Variants in NRP1 observed in about 807,000 individuals in gnomAD.
The protein encoded by NRP1 is neuropilin-1.
In NRP1, 35 loss-of-function variants were observed where a neutral mutation model predicts 106.7. The observed-to-expected ratio is 0.33, with a 90% CI of 0.25 to 0.43. The LOEUF is 0.43. NRP1 is among the 20% of genes least tolerant of loss of function. NRP1 has a pLI of 1.00. For missense variants in NRP1, 1,024 were observed against 1,170.4 expected (o/e 0.87, Z 1.83); for synonymous variants, 437 against 417.9 (o/e 1.05, Z -0.56).
chr10:33,331,113 TC>T (rs890753877), intron 1 of NRP1, among the ~76,000 whole-genome samples: 8 of 151,982 alleles, frequency 5.3e-5, no homozygotes, highest in Admixed American at 3.3e-4. Flanking sequence ...AGAGGACTCT[TC>T]CCCCCAGCCC....
At chr10:33,205,221 T>C (rs1203931980) in intron 10 of NRP1, among the ~76,000 whole-genome samples, 1 of 152,228 alleles carries the variant, frequency 6.6e-6, no homozygotes, top group Non-Finnish European at 1.5e-5. Flanking sequence ...TTTTCACCAA[T>C]CATATCAAAA....
chr10:33,181,676 C>T lies in NRP1; in HGVS notation c.2482+1022G>A, dbSNP rs561020956. 3.9e-5 allele frequency among the ~76,000 whole-genome samples: 6 copies of T among 152,358 alleles called. No individual in the cohort carries two copies. The South Asian group carries it at 8.3e-4, about 21-fold the overall frequency. ...CACAAAGCAGCGTTCAGCAAAAACACACATTTATAGTTCATCAGGCTAAAG... is the reference window on the plus strand; with the variant it reads ...CACAAAGCAGCGTTCAGCAAAAACATACATTTATAGTTCATCAGGCTAAAG... On this transcript the variant is annotated intron_variant, in intron 16 of 16. Coordinates refer to ENST00000374867, the MANE Select transcript of NRP1 (RefSeq NM_003873.7).
At chr10:33,219,409 C>T (rs1839045901) in intron 8 of NRP1, among the ~76,000 whole-genome samples, 1 of 152,166 alleles carries the variant, frequency 6.6e-6, no homozygotes, top group Admixed American at 6.5e-5. Flanking sequence ...CAAAAACCTG[C>T]TTCTGGCAAT....
chr10:33,264,020 ATATTAGTAAAATGGG>A, intron 3 of NRP1, 147 bp from the exon 4 acceptor site: 1 of 602,406 alleles, frequency 1.7e-6, no homozygotes, highest in South Asian at 2.1e-5. Flanking sequence ...CAGCCTTTTC[ATATTAGTAAAATGGG>A]TATGGAAAGT....
chr10:33,254,661 T>G (rs1024248249), intron 5 of NRP1, among the ~76,000 whole-genome samples: 1 of 152,218 alleles, frequency 6.6e-6, no homozygotes, highest in African/African-American at 2.4e-5. Flanking sequence ...CTTAACTCCC[T>G]GTCTTTCAGA....
chr10:33,264,251 T>G (rs1367972899), intron 3 of NRP1, among the ~76,000 whole-genome samples: 1 of 152,214 alleles, frequency 6.6e-6, no homozygotes, highest in African/African-American at 2.4e-5. Flanking sequence ...TGACAGCCCT[T>G]TATTGGTGAA....
At chr10:33,248,907 C>T (rs1841625407) in intron 6 of NRP1, among the ~76,000 whole-genome samples, 1 of 152,112 alleles carries the variant, frequency 6.6e-6, no homozygotes, top group Admixed American at 6.5e-5. Context: ...TACTCTAGTA[C>T]CACAATTTTT....
intron 13 of NRP1, among the ~76,000 whole-genome samples, chr10:33,190,798 G>C (rs1353268264): frequency 6.6e-6 from 1 of 152,134 alleles, no homozygotes; most frequent in African/African-American, 2.4e-5. Context: ...GTGTATGTGT[G>C]TGTGTGTGCA....
intron 8 of NRP1, among the ~76,000 whole-genome samples, chr10:33,219,762 G>T (rs567709497): frequency 1.3e-5 from 2 of 152,282 alleles, no homozygotes; most frequent in East Asian, 3.9e-4. Flanking sequence ...TAAGAGCCTG[G>T]AAATTCAGAA....
intron 4 of NRP1, among the ~76,000 whole-genome samples, chr10:33,258,939 T>C (rs1356134725): frequency 6.6e-6 from 1 of 152,200 alleles, no homozygotes; most frequent in Non-Finnish European, 1.5e-5. Context: ...TTAAATTACA[T>C]TAGTGTGGCT....
intron 3 of NRP1, among the ~76,000 whole-genome samples, chr10:33,264,607 G>T (rs896956442): frequency 6.6e-6 from 1 of 152,218 alleles, no homozygotes; most frequent in African/African-American, 2.4e-5. Flanking sequence ...AGATGTGTGT[G>T]TGTGTGTAAT....
intron 8 of NRP1, among the ~76,000 whole-genome samples, chr10:33,214,355 TC>T (rs1838580019): frequency 6.6e-6 from 1 of 152,178 alleles, no homozygotes; most frequent in Non-Finnish European, 1.5e-5. Flanking sequence ...GACAGTCCTT[TC>T]CCCTGGATAC....
At chr10:33,199,352 A>C (rs1474663274) in intron 11 of NRP1, among the ~76,000 whole-genome samples, 1 of 100,508 alleles carries the variant, frequency 9.9e-6, no homozygotes, top group East Asian at 5.0e-4. Context: ...GTGCGCCACC[A>C]TGCCTGGCTG....
chr10:33,322,865 G>A (rs1473736368), intron 2 of NRP1, among the ~76,000 whole-genome samples: 2 of 152,146 alleles, frequency 1.3e-5, no homozygotes. Flanking sequence ...AAATAAGCTG[G>A]TAACGTTTCA....
intron 2 of NRP1, among the ~76,000 whole-genome samples, chr10:33,310,694 G>T (rs1279796516): frequency 6.6e-6 from 1 of 152,072 alleles, no homozygotes; most frequent in East Asian, 1.9e-4. Flanking sequence ...CCTTCAGGAC[G>T]TACCTTTCTT....
rs187837511 is a variant in NRP1, at chr10:33,273,597, G to A, written c.249-2741C>T. 4.2e-3 allele frequency among the ~76,000 whole-genome samples: 644 copies of A among 151,980 alleles called. 3 individuals are homozygous for A. Among genetic ancestry groups the A allele is most frequent in the Non-Finnish European group, 6.2e-3 (421 of 67,810 alleles). ...TTACTGTTGCCAGTGTGGCAAACAC[G>A]GCATTGCTCGGGATGTCGAGATCCC... is the stretch of plus-strand genomic sequence containing the variant. On this transcript the variant is annotated intron_variant, in intron 2 of 16. Coordinates refer to ENST00000374867, the MANE Select transcript of NRP1 (RefSeq NM_003873.7).
At chr10:33,246,868 G>C (rs1888690) in intron 6 of NRP1, among the ~76,000 whole-genome samples, 26,816 of 152,128 alleles carry the variant, frequency 0.18, 2,790 homozygotes, top group East Asian at 0.51. Flanking sequence ...CTGGTCCTAT[G>C]TATGCTCTGG....
At chr10:33,299,425 C>A (rs916265814) in intron 2 of NRP1, among the ~76,000 whole-genome samples, 1 of 152,146 alleles carries the variant, frequency 6.6e-6, no homozygotes, top group African/African-American at 2.4e-5. Flanking sequence ...TGACAACCAT[C>A]CCAGGATTTC....
rs753801764 is a variant in NRP1 at position 33,185,652 on chromosome 10, G to A, written c.2407C>T (p.His803Tyr). ...CTTGCACAATCTTCTTGTGAAATGTGGTTATTAATACTAATGTCATCCACA... is the reference window on the plus strand; with the variant it reads ...CTTGCACAATCTTCTTGTGAAATGTAGTTATTAATACTAATGTCATCCACA... ...IAVDDISINNHISQEDCAKPA... is the reference protein window; with the variant it reads ...IAVDDISINNYISQEDCAKPA... Residue 803 changes from histidine (H) to tyrosine (Y), a missense_variant, in exon 15 of 17, where the codon CAC (histidine) becomes TAC (tyrosine). Transcript: ENST00000374867. 2.5e-6 allele frequency: 4 copies of A among 1,613,746 alleles called. No individual in the cohort carries two copies. In the African/African-American group the frequency reaches 5.3e-5, roughly 22 times the overall value.
Sources: gnomAD v4.1 joint callset for allele counts (sites outside exome capture counted in the v4.1 genomes callset) on GRCh38, gnomAD v4.1.1 for gene constraint, MANE v1.5 for transcripts, NCBI Gene and HGNC (gene_info 2026-07-23, HGNC 2026-07-21) for gene names.